WFDC9: variants seen among roughly 807,000 people sequenced by gnomAD.
WFDC9 encodes the protein WAP four-disulfide core domain 9.
Under a neutral mutation model 9.5 loss-of-function variants are expected in WFDC9, and 9 were observed. The observed-to-expected ratio is 0.95, with a 90% confidence interval of 0.57 to 1.65. The LOEUF is 1.65. Ranked by LOEUF, WFDC9 falls within the 40% of genes most tolerant of loss-of-function variation. The pLI is 0.00. For missense variants in WFDC9, 87 were observed against 106.7 expected (o/e 0.82, Z 0.81); for synonymous variants, 33 against 32.3 (o/e 1.02, Z -0.07).
In WFDC9 at chr20:45,608,699, C is replaced by T. The variant is rs757585671; in HGVS notation, c.203G>A (p.Cys68Tyr). The stretch of plus-strand genomic sequence containing the variant: ...GCAGATGTTTCCACAGTAGGTCCAG[C>T]AGCATGTATGATTTGGACGTACACA... ...MTCVRPNHTCCWTYCGNICLD... is the reference protein window; with the variant it reads ...MTCVRPNHTCYWTYCGNICLD... Residue 68 changes from cysteine to tyrosine, a missense_variant, in exon 4 of 5, where the codon TGC becomes TAC. Transcript: ENST00000326000. The T allele has an allele frequency of 4.3e-6, 7 of 1,613,888 alleles. No individual in the cohort carries two copies. Among genetic ancestry groups the T allele is most frequent in the Middle Eastern group, 3.3e-4 (2 of 6,060 alleles).
At chr20:45,628,520 A>G (rs1289896505) in intron 1 of WFDC9, among the ~76,000 whole-genome samples, 1 of 152,202 alleles carries the variant, frequency 6.6e-6, no homozygotes, top group Non-Finnish European at 1.5e-5. Context: ...CTTTGCTAGG[A>G]TAGTTATGAC....
At chr20:45,626,347 A>C (rs1305197661) in intron 1 of WFDC9, among the ~76,000 whole-genome samples, 2 of 142,210 alleles carry the variant, frequency 1.4e-5, no homozygotes, top group African/African-American at 2.6e-5. Flanking sequence ...CTGGTATTTT[A>C]ATAGGGATTG....
chr20:45,623,925 G>A (rs1044606315), intron 1 of WFDC9, among the ~76,000 whole-genome samples: 1 of 152,162 alleles, frequency 6.6e-6, no homozygotes, highest in Non-Finnish European at 1.5e-5. Flanking sequence ...GGGCACAGTG[G>A]CTCACGCCTG....
chr20:45,608,750 T>C lies in WFDC9; in HGVS notation c.152A>G (p.Glu51Gly). The change falls in exon 4 of 5, where the codon GAG (glutamate) becomes GGG (glycine). Residue 51 changes from glutamate (E) to glycine (G), a missense_variant. Transcript: ENST00000326000. ...AGTCATTATTTTAGTACACCTTTTC[T>C]CACAGTACTTATATGGAGGCTGTAC... is the stretch of plus-strand genomic sequence containing the variant. The part of the protein sequence containing the change: ...CWVQPPYKYC[E>G]KRCTKIMTCV... The C allele has an allele frequency of 6.2e-7, 1 of 1,614,142 alleles. No homozygotes were observed. Among genetic ancestry groups the C allele is most frequent in the Non-Finnish European group, 8.5e-7 (1 of 1,179,994 alleles).
intron 2 of WFDC9, among the ~76,000 whole-genome samples, 169 bp from the exon 3 acceptor site, chr20:45,610,408 C>T (rs747192134): frequency 2.0e-5 from 3 of 152,152 alleles, no homozygotes; most frequent in Non-Finnish European, 4.4e-5. Context: ...TTACATACCC[C>T]TTCCTTTGCA....
chr20:45,620,076 G>T (rs182102911), intron 1 of WFDC9, among the ~76,000 whole-genome samples: 3 of 152,086 alleles, frequency 2.0e-5, no homozygotes, highest in East Asian at 3.9e-4. Flanking sequence ...AGGAAGGCAG[G>T]CATGTAAGTA....
intron 3 of WFDC9, among the ~76,000 whole-genome samples, chr20:45,609,638 C>G (rs1981816741): frequency 6.6e-6 from 1 of 152,152 alleles, no homozygotes; most frequent in African/African-American, 2.4e-5. Context: ...TGAACCCAAA[C>G]TTTGACCCAC....
rs1442284709 is a variant in WFDC9 at position 45,608,048 on chromosome 20, C to A, written c.*62G>T. The A allele has an allele frequency of 6.3e-7, 1 of 1,588,738 alleles. No individual in the cohort carries two copies. The highest frequency in any genetic ancestry group is 1.7e-5 in the Admixed American group (1 of 59,280). On this transcript the variant is annotated 3_prime_UTR_variant, in exon 5 of 5. Transcript: ENST00000326000. The stretch of plus-strand genomic sequence containing the variant: ...GTGGGTGTCCCAAGAAGGAAGTAGG[C>A]AGCACTCTTCTTAGACCAGATGGTC...
intron 2 of WFDC9, among the ~76,000 whole-genome samples, chr20:45,612,271 T>C (rs1981876800): frequency 6.6e-6 from 1 of 152,166 alleles, no homozygotes; most frequent in Non-Finnish European, 1.5e-5. Flanking sequence ...TTAGATTCTA[T>C]GCCTCTGTGT....
At chr20:45,627,283 T>C (rs1982239990) in intron 1 of WFDC9, among the ~76,000 whole-genome samples, 1 of 152,196 alleles carries the variant, frequency 6.6e-6, no homozygotes, top group Admixed American at 6.6e-5. Flanking sequence ...GGTTTCTTTA[T>C]GCTGTCTTGT....
chr20:45,624,754 T>C (rs1280268848), intron 1 of WFDC9, among the ~76,000 whole-genome samples: 1 of 152,210 alleles, frequency 6.6e-6, no homozygotes, highest in Non-Finnish European at 1.5e-5. Context: ...TTTGTTGTTA[T>C]TGTAGCGATC....
At chr20:45,621,384 A>G (rs960451525) in intron 1 of WFDC9, among the ~76,000 whole-genome samples, 1 of 152,198 alleles carries the variant, frequency 6.6e-6, no homozygotes, top group African/African-American at 2.4e-5. Context: ...AGACAACACC[A>G]AACTTTATGA....
chr20:45,616,706 G>T (rs4327286), intron 1 of WFDC9, among the ~76,000 whole-genome samples: 4,265 of 152,202 alleles, frequency 0.028, 182 homozygotes, highest in African/African-American at 0.098. Flanking sequence ...TTGTTAGCAG[G>T]CATGAAAACA....
intron 1 of WFDC9, among the ~76,000 whole-genome samples, chr20:45,625,663 A>C (rs537801108): frequency 3.3e-5 from 5 of 152,134 alleles, no homozygotes; most frequent in African/African-American, 1.2e-4. Context: ...GCGAAGGTCT[A>C]ATTTCATTAT....
At chr20:45,624,912 T>A (rs1487709531) in intron 1 of WFDC9, among the ~76,000 whole-genome samples, 1 of 152,216 alleles carries the variant, frequency 6.6e-6, no homozygotes, top group Admixed American at 6.5e-5. Context: ...TTCAGATCAT[T>A]TGCCCATTTT....
At chr20:45,620,051 T>C (rs555597654) in intron 1 of WFDC9, among the ~76,000 whole-genome samples, 2 of 151,756 alleles carry the variant, frequency 1.3e-5, no homozygotes, top group South Asian at 2.1e-4. Context: ...GAAAGAAAAA[T>C]AGCACAAAAG....
At chr20:45,627,665 C>T (rs938956683) in intron 1 of WFDC9, among the ~76,000 whole-genome samples, 1 of 152,170 alleles carries the variant, frequency 6.6e-6, no homozygotes, top group Non-Finnish European at 1.5e-5. Context: ...GGCTAGAGAG[C>T]TTCCATGCCC....
At chr20:45,613,075 T>C (rs1981896494) in intron 2 of WFDC9, among the ~76,000 whole-genome samples, 2 of 152,266 alleles carry the variant, frequency 1.3e-5, no homozygotes, top group Admixed American at 1.3e-4. Flanking sequence ...TAGCCACTTA[T>C]GACTGTTCAA....
intron 1 of WFDC9, 39 bp downstream of exon 1, chr20:45,631,164 C>T (rs1982361401): frequency 2.2e-6 from 2 of 890,532 alleles, no homozygotes; most frequent in Non-Finnish European, 3.1e-6. Context: ...ACCCCTTGTC[C>T]CTGTCAAATA....
Sources: gnomAD v4.1 joint callset for allele counts (sites outside exome capture counted in the v4.1 genomes callset) on GRCh38, gnomAD v4.1.1 for gene constraint, MANE v1.5 for transcripts, NCBI Gene and HGNC (gene_info 2026-07-23, HGNC 2026-07-21) for gene names.